The following HNF4G variants were observed in gnomAD, a reference collection of about 807,000 sequenced individuals.
HNF4G encodes the protein hepatocyte nuclear factor 4-gamma.
In HNF4G, 21 loss-of-function variants were observed where a neutral mutation model predicts 50.9. That is an observed-to-expected ratio of 0.41 (90% CI 0.29 to 0.59). The LOEUF is 0.59. HNF4G is among the 20% of genes least tolerant of loss of function. The probability of loss-of-function intolerance (pLI) is 0.26; values close to 1 mark genes in which losing one functional copy is unlikely to be tolerated. For missense variants in HNF4G, 527 were observed against 559.4 expected (o/e 0.94, Z 0.58); for synonymous variants, 198 against 185.6 (o/e 1.07, Z -0.54).
chr8:75,448,967 A>G (rs993464826), intron 1 of HNF4G, among the ~76,000 whole-genome samples: 1 of 152,222 alleles, frequency 6.6e-6, no homozygotes, highest in Admixed American at 6.5e-5. Flanking sequence ...ATTAAAAATG[A>G]CAAAGAAAAT....
chr8:75,474,169 A>T (rs1585875264), intron 1 of HNF4G, among the ~76,000 whole-genome samples: 2 of 152,250 alleles, frequency 1.3e-5, no homozygotes, highest in Non-Finnish European at 2.9e-5. Context: ...ACCAGAGGGG[A>T]TGGGAGGGAT....
At chr8:75,444,457 T>A (rs200535827) in intron 1 of HNF4G, among the ~76,000 whole-genome samples, 26,410 of 135,976 alleles carry the variant, frequency 0.19, 2,945 homozygotes, top group African/African-American at 0.31. Flanking sequence ...ATGGACTAAA[T>A]TCTCCAATTA....
chr8:75,556,492 C>T (rs530128972), intron 6 of HNF4G, among the ~76,000 whole-genome samples: 24 of 151,840 alleles, frequency 1.6e-4, no homozygotes, highest in Non-Finnish European at 2.5e-4. Context: ...TGATAGCCCA[C>T]GATATGCTAC....
chr8:75,463,757 T>C (rs1234124882), intron 1 of HNF4G, among the ~76,000 whole-genome samples: 1 of 151,850 alleles, frequency 6.6e-6, no homozygotes, highest in East Asian at 1.9e-4. Context: ...AACTATTCTT[T>C]TTGTGAATAT....
rs192855107 is a variant in HNF4G, at chr8:75,495,727, G to A, written c.-24+5519G>A. Among the ~76,000 whole-genome samples, 709 of 151,858 alleles carry A rather than the reference G, an allele frequency of 4.7e-3. 3 individuals carry two copies. The highest frequency in any genetic ancestry group is 0.016 in the African/African-American group (676 of 41,426). On this transcript the variant is annotated intron_variant, in intron 2 of 10. Transcript: ENST00000354370. ...TAATTTTTGTAGTTTTAGTAGAGACGAAATTTCACCATGTTGGCCAGTCTG... is the reference window on the plus strand; with the variant it reads ...TAATTTTTGTAGTTTTAGTAGAGACAAAATTTCACCATGTTGGCCAGTCTG...
intron 1 of HNF4G, among the ~76,000 whole-genome samples, chr8:75,453,883 T>TA (rs1247824669): frequency 2.0e-5 from 3 of 152,186 alleles, no homozygotes; most frequent in Non-Finnish European, 4.4e-5. Flanking sequence ...ATTCATATGT[T>TA]AAAATCCTTC....
At chr8:75,494,581 A>T (rs1023019512) in intron 2 of HNF4G, among the ~76,000 whole-genome samples, 2 of 152,276 alleles carry the variant, frequency 1.3e-5, no homozygotes, top group Non-Finnish European at 2.9e-5. Flanking sequence ...ATTATGAATC[A>T]TGTGCATTTA....
At chr8:75,505,276 A>G (rs57196995) in intron 2 of HNF4G, among the ~76,000 whole-genome samples, 42,432 of 151,816 alleles carry the variant, frequency 0.28, 7,348 homozygotes, top group African/African-American at 0.5. Context: ...CTCCTCAACC[A>G]CAAAATGAAA....
intron 2 of HNF4G, among the ~76,000 whole-genome samples, chr8:75,510,104 T>A (rs1007733797): frequency 6.6e-6 from 1 of 152,144 alleles, no homozygotes; most frequent in South Asian, 2.1e-4. Context: ...AAGGCAGTGA[T>A]ATTGATTATC....
At chr8:75,550,314 T>G (rs1045536425) in intron 3 of HNF4G, among the ~76,000 whole-genome samples, 1 of 152,056 alleles carries the variant, frequency 6.6e-6, no homozygotes, top group Non-Finnish European at 1.5e-5. Context: ...CTCTCTCTTT[T>G]TTTTTAATTT....
intron 2 of HNF4G, among the ~76,000 whole-genome samples, chr8:75,545,462 T>TA (rs2130791735): frequency 6.6e-6 from 1 of 152,270 alleles, no homozygotes; most frequent in African/African-American, 2.4e-5. Context: ...TTAAGAATGC[T>TA]ACTGCCAACC....
chr8:75,414,078 A>C lies in HNF4G; in HGVS notation c.-144+5916A>C, dbSNP rs527852196. Among the ~76,000 whole-genome samples the C allele has an allele frequency of 2.6e-5, 4 of 152,234 alleles. No homozygotes were observed. In the East Asian group the frequency reaches 7.7e-4, roughly 29 times the overall value. ...TGCATGTGCTTCAGTGAGTTTTGACAAATGTATGTAGTTTTGTAACCATTA... is the reference window on the plus strand; with the variant it reads ...TGCATGTGCTTCAGTGAGTTTTGACCAATGTATGTAGTTTTGTAACCATTA... On this transcript the variant is annotated intron_variant, in intron 1 of 10. Transcript: ENST00000354370.
intron 2 of HNF4G, among the ~76,000 whole-genome samples, chr8:75,516,072 A>T (rs1288569104): frequency 6.6e-6 from 1 of 152,178 alleles, no homozygotes; most frequent in Non-Finnish European, 1.5e-5. Flanking sequence ...CCCGAGGGCC[A>T]CCATCTTTTA....
At chr8:75,411,655 C>T (rs1350667413) in intron 1 of HNF4G, among the ~76,000 whole-genome samples, 1 of 152,070 alleles carries the variant, frequency 6.6e-6, no homozygotes, top group South Asian at 2.1e-4. Context: ...GTGTGACACT[C>T]AACATTTTGA....
intron 2 of HNF4G, among the ~76,000 whole-genome samples, chr8:75,533,615 C>G (rs990409838): frequency 9.9e-5 from 15 of 150,754 alleles, no homozygotes; most frequent in Admixed American, 2.6e-4. Flanking sequence ...ATTCTTGAAC[C>G]AAAAAAAAGT....
intron 1 of HNF4G, among the ~76,000 whole-genome samples, chr8:75,431,508 T>C (rs182019174): frequency 3.7e-4 from 57 of 152,172 alleles, no homozygotes; most frequent in African/African-American, 1.1e-3. Flanking sequence ...TCTAAACATA[T>C]CAGTGATCGC....
intron 1 of HNF4G, among the ~76,000 whole-genome samples, chr8:75,432,851 C>T (rs1427691467): frequency 2.6e-5 from 4 of 152,282 alleles, no homozygotes; most frequent in South Asian, 4.1e-4. Flanking sequence ...TTTTGGAACA[C>T]TTTATGGGGG....
intron 6 of HNF4G, among the ~76,000 whole-genome samples, chr8:75,557,118 T>G (rs1179696653): frequency 6.6e-6 from 1 of 152,236 alleles, no homozygotes; most frequent in African/African-American, 2.4e-5. Context: ...ATACTGTTCT[T>G]GTTATAGACC....
chr8:75,467,216 T>C (rs1812009095), intron 1 of HNF4G, among the ~76,000 whole-genome samples: 1 of 152,204 alleles, frequency 6.6e-6, no homozygotes, highest in Non-Finnish European at 1.5e-5. Context: ...CATTTATTTA[T>C]TTATTCAAGA....
Sources: gnomAD v4.1 joint callset for allele counts (sites outside exome capture counted in the v4.1 genomes callset) on GRCh38, gnomAD v4.1.1 for gene constraint, MANE v1.5 for transcripts, NCBI Gene and HGNC (gene_info 2026-07-23, HGNC 2026-07-21) for gene names.